PAX5: variants seen among roughly 807,000 people sequenced by gnomAD.
The protein encoded by PAX5 is paired box protein Pax-5.
In PAX5, 9 loss-of-function variants were observed where a neutral mutation model predicts 43.7. The observed-to-expected ratio is 0.21, with a 90% CI of 0.12 to 0.36. PAX5 has a LOEUF of 0.36. Ranked by LOEUF, PAX5 falls within the 10% of genes least tolerant of loss-of-function variation. The pLI is 1.00. For synonymous variants in PAX5, 228 were observed against 214.3 expected (o/e 1.06, Z -0.56); for missense variants, 383 against 532.7 (o/e 0.72, Z 2.77).
At chr9:37,005,830 T>C (rs1170398841) in intron 4 of PAX5, among the ~76,000 whole-genome samples, 1 of 152,204 alleles carries the variant, frequency 6.6e-6, no homozygotes, top group Non-Finnish European at 1.5e-5. Flanking sequence ...TAGACACATG[T>C]CATTTCACAA....
At chr9:36,947,742 C>G (rs1192295119) in intron 6 of PAX5, among the ~76,000 whole-genome samples, 1 of 151,848 alleles carries the variant, frequency 6.6e-6, no homozygotes, top group Non-Finnish European at 1.5e-5. Flanking sequence ...AACAGAATTT[C>G]CAAAACCATC....
intron 5 of PAX5, among the ~76,000 whole-genome samples, chr9:36,993,415 G>A (rs1837097016): frequency 1.3e-5 from 2 of 152,150 alleles, no homozygotes; most frequent in African/African-American, 4.8e-5. Flanking sequence ...AAACATTTGA[G>A]AACTGCTGCC....
rs546428471 is a variant in PAX5, at chr9:36,877,422, C to T, written c.1012+4582G>A. Among the ~76,000 whole-genome samples the T allele has an allele frequency of 9.2e-5, 14 of 152,222 alleles. No homozygotes were observed. In the South Asian group the frequency reaches 2.9e-3, roughly 32 times the overall value. ...AGCCGACAGTGGGGAAAAAACACCC[C>T]GAAGATTTTGGGATTCCCTCTAGAT... On this transcript the variant is annotated intron_variant, in intron 8 of 9. Coordinates refer to ENST00000358127, the MANE Select transcript of PAX5 (RefSeq NM_016734.3).
intron 6 of PAX5, among the ~76,000 whole-genome samples, chr9:36,959,820 G>C (rs1285287177): frequency 6.6e-6 from 1 of 152,254 alleles, no homozygotes; most frequent in Non-Finnish European, 1.5e-5. Flanking sequence ...CTGGGCTCTG[G>C]AGGCAAGGAC....
At chr9:36,864,294 T>C (rs1824575727) in intron 8 of PAX5, 1 of 154,240 alleles carries the variant, frequency 6.5e-6, no homozygotes, top group South Asian at 2.0e-4. Flanking sequence ...TGCCAAGTCC[T>C]GGTCCATGCA....
intron 8 of PAX5, among the ~76,000 whole-genome samples, chr9:36,850,569 C>A (rs188143049): frequency 3.8e-4 from 58 of 152,298 alleles, no homozygotes; most frequent in Admixed American, 2.6e-3. Flanking sequence ...ACCACGGGCC[C>A]TTCGCCTCCT....
intron 8 of PAX5, among the ~76,000 whole-genome samples, chr9:36,864,735 G>A (rs1824671459): frequency 6.6e-6 from 1 of 152,236 alleles, no homozygotes; most frequent in Non-Finnish European, 1.5e-5. Context: ...TGCCGCCAGG[G>A]CTGATGGCGC....
intron 9 of PAX5, among the ~76,000 whole-genome samples, chr9:36,841,948 C>T (rs1563878482): frequency 1.3e-5 from 2 of 152,120 alleles, no homozygotes. Flanking sequence ...GGGCTGAGTC[C>T]TGGAGTCTGC....
At chr9:36,970,305 C>A (rs376733458) in intron 5 of PAX5, among the ~76,000 whole-genome samples, 26 of 152,068 alleles carry the variant, frequency 1.7e-4, no homozygotes, top group African/African-American at 6.0e-4. Context: ...AGAGAGGGTG[C>A]CAGACTGAGG....
At chr9:36,972,167 T>G (rs1263315253) in intron 5 of PAX5, among the ~76,000 whole-genome samples, 1 of 152,218 alleles carries the variant, frequency 6.6e-6, no homozygotes, top group Non-Finnish European at 1.5e-5. Flanking sequence ...AGCCGCCAGG[T>G]CAGCCTCCAG....
At chr9:36,988,716 GGGAA>G (rs535342668) in intron 5 of PAX5, among the ~76,000 whole-genome samples, 93 of 150,688 alleles carry the variant, frequency 6.2e-4, no homozygotes, top group Middle Eastern at 3.4e-3. Context: ...CAAAAAATCT[GGGAA>G]TTTAGAACGT....
At chr9:36,895,526 A>T (rs976118221) in intron 7 of PAX5, among the ~76,000 whole-genome samples, 2 of 152,180 alleles carry the variant, frequency 1.3e-5, no homozygotes, top group Non-Finnish European at 2.9e-5. Context: ...CAGTGTTCTC[A>T]TTTATAAAAT....
chr9:36,975,031 C>T (rs530057980), intron 5 of PAX5, among the ~76,000 whole-genome samples: 1 of 152,306 alleles, frequency 6.6e-6, no homozygotes, highest in Non-Finnish European at 1.5e-5. Flanking sequence ...CTCTCTGAAG[C>T]CTGCCTCCAA....
intron 5 of PAX5, among the ~76,000 whole-genome samples, chr9:36,975,725 A>G (rs1394912820): frequency 1.3e-5 from 2 of 152,138 alleles, no homozygotes; most frequent in South Asian, 2.1e-4. Context: ...CAATTTTCTT[A>G]TCTGTAGAGT....
chr9:36,930,300 T>A (rs949488704), intron 6 of PAX5, among the ~76,000 whole-genome samples: 15 of 144,844 alleles, frequency 1.0e-4, no homozygotes, highest in Admixed American at 5.0e-4. Context: ...CATGGCTCAC[T>A]GCTGCCTCAA....
At chr9:36,956,955 T>G (rs1045096449) in intron 6 of PAX5, among the ~76,000 whole-genome samples, 1 of 152,214 alleles carries the variant, frequency 6.6e-6, no homozygotes, top group African/African-American at 2.4e-5. Flanking sequence ...AGCAGTTCAG[T>G]GAACAGGAAG....
At chr9:36,981,957 C>A in intron 5 of PAX5, among the ~76,000 whole-genome samples, 1 of 152,238 alleles carries the variant, frequency 6.6e-6, no homozygotes, top group East Asian at 1.9e-4. Context: ...AAAACAGAAG[C>A]CATTTGCTAA....
At position 36,835,437 on chromosome 9, in the gene PAX5, G is replaced by C. The variant is rs780999119; in HGVS notation, c.*5123C>G. 1.0e-4 allele frequency: 24 copies of C among 232,734 alleles called. No individual in the cohort carries two copies. The highest frequency in any genetic ancestry group is 1.9e-4 in the Non-Finnish European group (22 of 117,766). 14.4% of individuals were successfully genotyped at this position (232,734 alleles called of 1,614,324 possible). A position where few individuals can be genotyped will look rare whatever the true frequency, so the allele number is the denominator to read the frequency against. ...GGGCTCACAGCCTGGCCTCTGCAGAGGCCCTTGGGACCTGGCGCCACACGA... is the reference window on the plus strand; with the variant it reads ...GGGCTCACAGCCTGGCCTCTGCAGACGCCCTTGGGACCTGGCGCCACACGA... On this transcript the variant is annotated 3_prime_UTR_variant, in exon 10 of 10. Coordinates refer to ENST00000358127, the MANE Select transcript of PAX5 (RefSeq NM_016734.3).
chr9:36,920,710 T>C (rs1019492194), intron 7 of PAX5, among the ~76,000 whole-genome samples: 2 of 151,064 alleles, frequency 1.3e-5, no homozygotes, highest in Non-Finnish European at 3.0e-5. Context: ...TTGAAATGCC[T>C]CAATGAGCAT....
Sources: gnomAD v4.1 joint callset for allele counts (sites outside exome capture counted in the v4.1 genomes callset) on GRCh38, gnomAD v4.1.1 for gene constraint, MANE v1.5 for transcripts, NCBI Gene and HGNC (gene_info 2026-07-23, HGNC 2026-07-21) for gene names.